The following SEC63 variants were observed in gnomAD, a reference collection of about 807,000 sequenced individuals.
The protein encoded by SEC63 is translocation protein SEC63 homolog.
A neutral mutation model predicts 116.2 loss-of-function variants in SEC63; 56 were observed. The observed-to-expected ratio is 0.48, with a 90% CI of 0.39 to 0.60. SEC63 has a LOEUF of 0.60. Ranked by LOEUF, SEC63 falls within the 20% of genes least tolerant of loss-of-function variation. The pLI, the probability that SEC63 is intolerant of heterozygous loss-of-function variation, is 0.00. For synonymous variants in SEC63, 273 were observed against 294.6 expected (o/e 0.93, Z 0.75); for missense variants, 668 against 900.0 (o/e 0.74, Z 3.30).
chr6:107,924,203 G>A (rs1264683409), intron 3 of SEC63, among the ~76,000 whole-genome samples: 1 of 151,146 alleles, frequency 6.6e-6, no homozygotes, highest in African/African-American at 2.4e-5. Flanking sequence ...GGCAGAGTTT[G>A]CAGTGAGCCG....
chr6:107,886,105 C>T (rs546196949), intron 16 of SEC63, among the ~76,000 whole-genome samples: 11 of 152,206 alleles, frequency 7.2e-5, no homozygotes, highest in South Asian at 2.1e-4. Flanking sequence ...GAGAACATGG[C>T]GGTGTTTGGA....
chr6:107,924,465 C>T (rs1238324065), intron 3 of SEC63, among the ~76,000 whole-genome samples: 1 of 151,610 alleles, frequency 6.6e-6, no homozygotes, highest in Non-Finnish European at 1.5e-5. Context: ...ACCTGGGAGG[C>T]TGAGGTAGGA....
At position 107,868,235 on chromosome 6, in the gene SEC63, AAC is replaced by A. The variant is rs1377471845; in HGVS notation, c.*3467_*3468del. On this transcript the variant is annotated 3_prime_UTR_variant, in exon 21 of 21. Coordinates refer to ENST00000369002, the MANE Select transcript of SEC63 (RefSeq NM_007214.5). The stretch of plus-strand genomic sequence containing the variant: ...GAAAATTGTTTCTTAAAAAAAAAAA[AAC>A]ATTTTAAAGGAAAGGATGATGATTT... 2.0e-4 allele frequency: 30 copies of A among 152,186 alleles called. No homozygotes were observed. Among genetic ancestry groups the A allele is most frequent in the Admixed American group, 5.2e-4 (8 of 15,282 alleles). The allele number at this position is 152,186 out of a possible 1,614,324, so 9.4% of individuals were successfully genotyped here.
At chr6:107,876,538 C>G (rs758630090) in intron 19 of SEC63, 26 bp downstream of exon 19, 53 of 1,377,262 alleles carry the variant, frequency 3.8e-5, no homozygotes, top group Non-Finnish European at 3.1e-6. Context: ...TTGTTAAACA[C>G]TGAAATCATG....
chr6:107,898,125 G>A (rs1350324869), intron 13 of SEC63, among the ~76,000 whole-genome samples: 2 of 151,960 alleles, frequency 1.3e-5, no homozygotes, highest in South Asian at 2.1e-4. Flanking sequence ...TTAGCCAGGC[G>A]TGATGGTGCC....
At chr6:107,891,862 C>T (rs200850033) in intron 16 of SEC63, among the ~76,000 whole-genome samples, 1 of 152,218 alleles carries the variant, frequency 6.6e-6, no homozygotes, top group South Asian at 2.1e-4. Flanking sequence ...TCCAGACCCT[C>T]TTTGCCTGGG....
intron 1 of SEC63, among the ~76,000 whole-genome samples, chr6:107,948,220 T>C (rs1412048687): frequency 1.3e-5 from 2 of 152,146 alleles, no homozygotes; most frequent in African/African-American, 2.4e-5. Context: ...TTTTAACACA[T>C]ATCGTAATGT....
intron 13 of SEC63, among the ~76,000 whole-genome samples, chr6:107,900,026 A>G (rs1424513285): frequency 6.6e-6 from 1 of 152,178 alleles, no homozygotes; most frequent in Non-Finnish European, 1.5e-5. Flanking sequence ...AAGCTCAATA[A>G]GCAGAGGGTA....
chr6:107,924,972 T>C, intron 2 of SEC63, 40 bp from the exon 3 acceptor site: 1 of 1,119,650 alleles, frequency 8.9e-7, no homozygotes, highest in South Asian at 1.2e-5. Flanking sequence ...AACAAATACA[T>C]CTGCATAGAG....
chr6:107,896,632 C>CTT (rs1786838832), intron 14 of SEC63, among the ~76,000 whole-genome samples: 2 of 152,226 alleles, frequency 1.3e-5, no homozygotes, highest in East Asian at 3.9e-4. Context: ...CGACACACAA[C>CTT]AAGATTATGC....
intron 19 of SEC63, among the ~76,000 whole-genome samples, chr6:107,874,610 A>AG (rs1475962780): frequency 1.3e-5 from 2 of 151,916 alleles, no homozygotes; most frequent in East Asian, 1.9e-4. Flanking sequence ...AAAAAAAAAA[A>AG]AAAAAGAACA....
chr6:107,872,943 G>C, intron 19 of SEC63, 31 bp from the exon 20 acceptor site: 1 of 1,382,556 alleles, frequency 7.2e-7, no homozygotes, highest in Non-Finnish European at 1.0e-6. Flanking sequence ...TTAAAAATCT[G>C]TATTATGGGG....
chr6:107,915,235 G>T (rs1787371956), intron 4 of SEC63, among the ~76,000 whole-genome samples: 1 of 151,822 alleles, frequency 6.6e-6, no homozygotes. Context: ...TAATTTTTTG[G>T]GGGTAACAGA....
chr6:107,951,826 A>T (rs1376465510), intron 1 of SEC63, among the ~76,000 whole-genome samples: 6 of 152,110 alleles, frequency 3.9e-5, no homozygotes, highest in Admixed American at 3.3e-4. Flanking sequence ...ACAAAAAATT[A>T]GCCAGGCGTG....
At chr6:107,909,285 G>A in intron 7 of SEC63, 1 of 403,518 alleles carries the variant, frequency 2.5e-6, no homozygotes, top group Non-Finnish European at 4.7e-6. Flanking sequence ...AGCTGAGGTG[G>A]GAAGATTGCT....
chr6:107,929,216 G>C (rs1244115935), intron 2 of SEC63, among the ~76,000 whole-genome samples, 199 bp downstream of exon 2: 1 of 152,142 alleles, frequency 6.6e-6, no homozygotes, highest in Non-Finnish European at 1.5e-5. Flanking sequence ...CCGACCTCCA[G>C]CAACAGTATA....
intron 19 of SEC63, among the ~76,000 whole-genome samples, chr6:107,874,941 C>T (rs1786227004): frequency 6.6e-6 from 1 of 152,172 alleles, no homozygotes; most frequent in Non-Finnish European, 1.5e-5. Context: ...ATACAGACTG[C>T]GTATTAGATA....
intron 1 of SEC63, among the ~76,000 whole-genome samples, chr6:107,944,180 T>G (rs1018930246): frequency 1.3e-5 from 2 of 151,950 alleles, no homozygotes; most frequent in Non-Finnish European, 2.9e-5. Context: ...AAGGTAAAAA[T>G]GTAAATAAAA....
At position 107,875,762 on chromosome 6, in the gene SEC63, C is replaced by G. The variant is rs969579435; in HGVS notation, c.2034+802G>C. The stretch of plus-strand genomic sequence containing the variant: ...AAGATGCTATTTTTCACCTTTCCAA[C>G]TAGCAATGATATTCAAAATGTCTGA... On this transcript the variant is annotated intron_variant, in intron 19 of 20. Coordinates refer to ENST00000369002, the MANE Select transcript of SEC63 (RefSeq NM_007214.5). 3.3e-5 allele frequency among the ~76,000 whole-genome samples: 5 copies of G among 152,132 alleles called. No homozygotes were observed. In the East Asian group the frequency reaches 9.6e-4, roughly 29 times the overall value.
Sources: gnomAD v4.1 joint callset for allele counts (sites outside exome capture counted in the v4.1 genomes callset) on GRCh38, gnomAD v4.1.1 for gene constraint, MANE v1.5 for transcripts, NCBI Gene and HGNC (gene_info 2026-07-23, HGNC 2026-07-21) for gene names.